RBFOX3: variants seen among roughly 807,000 people sequenced by gnomAD.
The protein encoded by RBFOX3 is RNA binding protein fox-1 homolog 3.
In RBFOX3, 17 loss-of-function variants were observed where a neutral mutation model predicts 48.7. The observed-to-expected ratio is 0.35, with a 90% CI of 0.24 to 0.52. The LOEUF (loss-of-function observed/expected upper bound fraction) is 0.52. Ranked by LOEUF, RBFOX3 falls within the 20% of genes least tolerant of loss-of-function variation. The pLI is 0.94. For synonymous variants in RBFOX3, 212 were observed against 209.5 expected (o/e 1.01, Z -0.10); for missense variants, 382 against 497.5 (o/e 0.77, Z 2.21).
chr17:79,547,050 C>G (rs918110685), intron 1 of RBFOX3, among the ~76,000 whole-genome samples: 1 of 152,158 alleles, frequency 6.6e-6, no homozygotes, highest in Non-Finnish European at 1.5e-5. Flanking sequence ...GAGCCTGACC[C>G]TTCCATCCAG....
chr17:79,544,913 G>A (rs1458054461), intron 1 of RBFOX3, among the ~76,000 whole-genome samples: 1 of 145,748 alleles, frequency 6.9e-6, no homozygotes, highest in Non-Finnish European at 1.5e-5. Context: ...AAAGCAGCAA[G>A]GGATAAAAAA....
At chr17:79,543,486 A>G (rs1456608022) in intron 1 of RBFOX3, among the ~76,000 whole-genome samples, 1 of 151,216 alleles carries the variant, frequency 6.6e-6, no homozygotes, top group Non-Finnish European at 1.5e-5. Context: ...GGTACTCAAC[A>G]CCCCTACGTC....
At chr17:79,643,061 C>T in the RBFOX3 span, among the ~76,000 whole-genome samples, 9 of 152,076 alleles carry the variant, frequency 5.9e-5, no homozygotes, top group Non-Finnish European at 1.3e-4. Context: ...GTGATCACAC[C>T]ACTCCACTCT....
At chr17:79,335,484 C>T (rs72849102) in intron 2 of RBFOX3, among the ~76,000 whole-genome samples, 3,322 of 152,348 alleles carry the variant, frequency 0.022, 56 homozygotes, top group Admixed American at 0.033. Context: ...GTGGAGGAGG[C>T]TGAGGTCCGA....
intron 10 of RBFOX3, 24 bp downstream of exon 10, chr17:79,097,668 T>TCCCCCCCC: frequency 2.0e-6 from 2 of 1,010,926 alleles, no homozygotes; most frequent in Non-Finnish European, 2.8e-6. Flanking sequence ...TCTCATCCCA[T>TCCCCCCCC]CCCCGCCCCG....
At chr17:79,353,386 G>A (rs2084330694) in intron 2 of RBFOX3, among the ~76,000 whole-genome samples, 1 of 152,168 alleles carries the variant, frequency 6.6e-6, no homozygotes, top group African/African-American at 2.4e-5. Context: ...GAGCACACTT[G>A]CATGCTCCTC....
At chr17:79,627,612 C>G in the RBFOX3 span, among the ~76,000 whole-genome samples, 1 of 152,196 alleles carries the variant, frequency 6.6e-6, no homozygotes, top group Non-Finnish European at 1.5e-5. Context: ...GGATCCGAGA[C>G]CCAAGCAGCC....
the RBFOX3 span, among the ~76,000 whole-genome samples, chr17:79,616,911 A>G: frequency 6.6e-6 from 1 of 152,184 alleles, no homozygotes; most frequent in Non-Finnish European, 1.5e-5. Flanking sequence ...AGAGACGCCA[A>G]CCAGCTAACT....
At chr17:79,163,130 T>C (rs1201223852) in intron 4 of RBFOX3, among the ~76,000 whole-genome samples, 1 of 152,160 alleles carries the variant, frequency 6.6e-6, no homozygotes, top group Non-Finnish European at 1.5e-5. Context: ...GGCCAGGGTG[T>C]GGCCACTGCT....
chr17:79,518,963 G>T (rs2085657299), intron 1 of RBFOX3, among the ~76,000 whole-genome samples: 1 of 152,256 alleles, frequency 6.6e-6, no homozygotes, highest in South Asian at 2.1e-4. Flanking sequence ...CCACGGCCAG[G>T]AACGGCCAGA....
At chr17:79,580,072 C>T (rs2093004756) in intron 1 of RBFOX3, among the ~76,000 whole-genome samples, 1 of 152,046 alleles carries the variant, frequency 6.6e-6, no homozygotes, top group African/African-American at 2.4e-5. Context: ...GGTAACTGCA[C>T]CTGGTACCTT....
At chr17:79,440,894 A>AG (rs2070764360) in intron 2 of RBFOX3, among the ~76,000 whole-genome samples, 1 of 152,100 alleles carries the variant, frequency 6.6e-6, no homozygotes, top group South Asian at 2.1e-4. Flanking sequence ...ACCCCATACG[A>AG]GGGGACTTGG....
chr17:79,323,003 G>A (rs1013387229), intron 2 of RBFOX3, among the ~76,000 whole-genome samples: 1 of 152,356 alleles, frequency 6.6e-6, no homozygotes. Context: ...TAAGAAGTAC[G>A]TGGGGGCATT....
intron 1 of RBFOX3, among the ~76,000 whole-genome samples, chr17:79,538,717 G>C (rs1029558583): frequency 5.9e-5 from 9 of 152,158 alleles, no homozygotes; most frequent in Non-Finnish European, 1.3e-4. Flanking sequence ...GTGCCCATGT[G>C]GGGGCTGGAT....
intron 4 of RBFOX3, among the ~76,000 whole-genome samples, chr17:79,129,486 C>T (rs143123649): frequency 9.6e-6 from 1 of 103,782 alleles, no homozygotes; most frequent in East Asian, 2.1e-4. Context: ...TTCCCCCAAG[C>T]CCCCCAGGCT....
intron 1 of RBFOX3, among the ~76,000 whole-genome samples, chr17:79,493,461 C>G (rs892582576): frequency 4.9e-4 from 75 of 152,298 alleles, no homozygotes; most frequent in African/African-American, 1.7e-3. Flanking sequence ...TACCCTGTCT[C>G]AGTCCAGACC....
At chr17:79,327,193 C>G (rs985723240) in intron 2 of RBFOX3, among the ~76,000 whole-genome samples, 4 of 152,220 alleles carry the variant, frequency 2.6e-5, no homozygotes, top group Non-Finnish European at 5.9e-5. Flanking sequence ...TTCCTTTATC[C>G]ATTCCCTTCC....
chr17:79,347,350 CA>C (rs2146864758), intron 2 of RBFOX3, among the ~76,000 whole-genome samples: 1 of 152,196 alleles, frequency 6.6e-6, no homozygotes, highest in African/African-American at 2.4e-5. Context: ...TTTGGGACTC[CA>C]AGACCTCTTC....
At chr17:79,401,833 C>T (rs1290672993) in intron 2 of RBFOX3, among the ~76,000 whole-genome samples, 1 of 152,220 alleles carries the variant, frequency 6.6e-6, no homozygotes, top group East Asian at 1.9e-4. Flanking sequence ...GACACACCAG[C>T]CCCAGCCTCC....
Sources: allele counts gnomAD v4.1 joint callset (sites outside exome capture counted in the v4.1 genomes callset), GRCh38; gene constraint gnomAD v4.1.1; transcripts MANE v1.5; gene names NCBI Gene and HGNC (gene_info 2026-07-23, HGNC 2026-07-21).